PRKACB: variants seen among roughly 807,000 people sequenced by gnomAD.
PRKACB encodes protein kinase cAMP-activated catalytic subunit beta, also known as cAMP-dependent protein kinase catalytic subunit beta.
A neutral mutation model predicts 51.4 loss-of-function variants in PRKACB; 16 were observed. The ratio of observed to expected loss-of-function variants is 0.31; its 90% CI spans 0.21 to 0.47. PRKACB has a LOEUF of 0.47. Among genes scored for constraint, PRKACB ranks in the 20% least tolerant of loss-of-function variants. The probability of loss-of-function intolerance (pLI) is 1.00; values close to 1 mark genes in which losing one functional copy is unlikely to be tolerated. For synonymous variants in PRKACB, 147 were observed against 154.4 expected (o/e 0.95, Z 0.35); for missense variants, 309 against 464.5 (o/e 0.67, Z 3.08).
chr1:84,081,115 T>C (rs1647498570), intron 1 of PRKACB, among the ~76,000 whole-genome samples: 1 of 152,186 alleles, frequency 6.6e-6, no homozygotes, highest in South Asian at 2.1e-4. Context: ...ATCAAGTCAG[T>C]TAAGATTTCA....
intron 2 of PRKACB, among the ~76,000 whole-genome samples, chr1:84,180,599 C>CA (rs1253292410): frequency 6.6e-6 from 1 of 151,622 alleles, no homozygotes; most frequent in Non-Finnish European, 1.5e-5. Context: ...ATATTATAAC[C>CA]AAAAAAATTA....
intron 5 of PRKACB, among the ~76,000 whole-genome samples, chr1:84,190,827 T>C (rs1276095430): frequency 6.6e-6 from 1 of 152,154 alleles, no homozygotes; most frequent in African/African-American, 2.4e-5. Context: ...ATTTAAGTTC[T>C]GTTTTATTGT....
intron 1 of PRKACB, chr1:84,175,098 A>T: frequency 2.2e-6 from 3 of 1,383,582 alleles, no homozygotes; most frequent in South Asian, 3.4e-5. Context: ...TACCTTTAAA[A>T]TTTTTTATTT....
intron 1 of PRKACB, among the ~76,000 whole-genome samples, chr1:84,134,802 C>T (rs570097603): frequency 2.6e-5 from 4 of 152,168 alleles, no homozygotes; most frequent in African/African-American, 9.6e-5. Flanking sequence ...GGATAAAAAA[C>T]GAAACTTAGT....
At chr1:84,128,631 G>A (rs927814000) in intron 1 of PRKACB, among the ~76,000 whole-genome samples, 4 of 152,102 alleles carry the variant, frequency 2.6e-5, no homozygotes, top group Admixed American at 6.5e-5. Flanking sequence ...ATGTAATACA[G>A]TTTACAAAGA....
intron 9 of PRKACB, among the ~76,000 whole-genome samples, chr1:84,234,498 C>T (rs1187377359): frequency 1.2e-4 from 19 of 152,284 alleles, no homozygotes; most frequent in South Asian, 4.1e-4. Flanking sequence ...CAATGGCGGG[C>T]GCCCCTCCCC....
intron 1 of PRKACB, chr1:84,086,291 C>A: frequency 1.8e-6 from 2 of 1,111,764 alleles, no homozygotes; most frequent in South Asian, 1.3e-5. Flanking sequence ...GAACTTGGCC[C>A]TTCCTGCTGC....
chr1:84,154,210 A>C (rs1293947941), intron 1 of PRKACB, among the ~76,000 whole-genome samples: 3 of 152,018 alleles, frequency 2.0e-5, no homozygotes, highest in East Asian at 3.9e-4. Flanking sequence ...CATTTTTTAA[A>C]TTGGGTATTT....
chr1:84,196,515 C>A, intron 5 of PRKACB, 101 bp from the exon 6 acceptor site: 1 of 1,181,470 alleles, frequency 8.5e-7, no homozygotes, highest in Non-Finnish European at 1.2e-6. Context: ...ACTTTTTGTT[C>A]CCAAAGTACC....
At chr1:84,136,932 G>A (rs1277432558) in intron 1 of PRKACB, among the ~76,000 whole-genome samples, 1 of 152,146 alleles carries the variant, frequency 6.6e-6, no homozygotes, top group African/African-American at 2.4e-5. Context: ...AATCATGGAG[G>A]TGTTTTCCTC....
At chr1:84,185,060 C>A in intron 4 of PRKACB, 40 bp from the exon 5 acceptor site, 3 of 1,228,794 alleles carry the variant, frequency 2.4e-6, no homozygotes, top group African/African-American at 1.6e-5. Flanking sequence ...TAATTTTGAC[C>A]TAAGTTGAAT....
intron 1 of PRKACB, among the ~76,000 whole-genome samples, chr1:84,153,467 C>T (rs1029576509): frequency 7.9e-5 from 12 of 152,068 alleles, no homozygotes; most frequent in African/African-American, 2.9e-4. Flanking sequence ...TTATTATTAA[C>T]TGCAGTTACC....
chr1:84,170,883 G>A (rs1460949340), intron 1 of PRKACB, among the ~76,000 whole-genome samples: 1 of 151,500 alleles, frequency 6.6e-6, no homozygotes, highest in Non-Finnish European at 1.5e-5. Context: ...TATAGATAGA[G>A]AATTCTTACC....
chr1:84,107,571 C>T (rs1357135720), intron 1 of PRKACB, among the ~76,000 whole-genome samples: 1 of 152,040 alleles, frequency 6.6e-6, no homozygotes, highest in East Asian at 1.9e-4. Context: ...TCAAACTATG[C>T]ATCTGACTAA....
At chr1:84,120,802 A>G (rs563550423) in intron 1 of PRKACB, among the ~76,000 whole-genome samples, 1 of 151,996 alleles carries the variant, frequency 6.6e-6, no homozygotes, top group African/African-American at 2.4e-5. Context: ...TTTATAATTG[A>G]TAGTCATAGA....
At position 84,128,679 on chromosome 1, in the gene PRKACB, A is replaced by T. The variant is rs567527792; in HGVS notation, c.46+50308A>T. On this transcript the variant is annotated intron_variant, in intron 1 of 8. Coordinates refer to the PRKACB transcript ENST00000370688. ...ATTCTCTTAGTTGAGCCATACACAAAACTAGTGATATAGTCAGGGAAGTTA... is the reference window on the plus strand; with the variant it reads ...ATTCTCTTAGTTGAGCCATACACAATACTAGTGATATAGTCAGGGAAGTTA... 6.6e-5 allele frequency among the ~76,000 whole-genome samples: 10 copies of T among 152,342 alleles called. No individual in the cohort carries two copies. In the South Asian group the frequency reaches 2.1e-3, roughly 32 times the overall value.
intron 1 of PRKACB, chr1:84,175,169 T>C: frequency 9.8e-7 from 1 of 1,020,938 alleles, no homozygotes; most frequent in Non-Finnish European, 1.3e-6. Flanking sequence ...ATCAAGTTAA[T>C]GAAATATTTT....
chr1:84,081,612 C>CA (rs2100737192), intron 1 of PRKACB, among the ~76,000 whole-genome samples: 1 of 146,318 alleles, frequency 6.8e-6, no homozygotes, highest in African/African-American at 2.4e-5. Flanking sequence ...AAACTCTTGT[C>CA]AGTTAAGTTT....
chr1:84,186,111 T>TC (rs1227533274), intron 5 of PRKACB, among the ~76,000 whole-genome samples: 1 of 152,162 alleles, frequency 6.6e-6, no homozygotes, highest in Non-Finnish European at 1.5e-5. Flanking sequence ...GTCAGACTCG[T>TC]CTAAGAGTCG....
Sources: gnomAD v4.1 joint callset for allele counts (sites outside exome capture counted in the v4.1 genomes callset) on GRCh38, gnomAD v4.1.1 for gene constraint, MANE v1.5 for transcripts, NCBI Gene and HGNC (gene_info 2026-07-23, HGNC 2026-07-21) for gene names.